Variants in IFT88 observed in about 807,000 individuals in gnomAD.
The protein encoded by IFT88 is intraflagellar transport 88.
IFT88 carries 74 observed loss-of-function variants against 119.5 expected under a neutral mutation model. The ratio of observed to expected loss-of-function variants is 0.62; its 90% CI spans 0.51 to 0.75. The LOEUF is 0.75. Ranked by LOEUF, IFT88 falls within the 30% of genes least tolerant of loss-of-function variation. The probability of loss-of-function intolerance (pLI) is 0.00; values close to 1 mark genes in which losing one functional copy is unlikely to be tolerated. For synonymous variants in IFT88, 279 were observed against 316.7 expected (o/e 0.88, Z 1.26); for missense variants, 961 against 977.7 (o/e 0.98, Z 0.23).
At chr13:20,675,560 A>G (rs996958684) in intron 24 of IFT88, among the ~76,000 whole-genome samples, 2 of 152,210 alleles carry the variant, frequency 1.3e-5, no homozygotes, top group African/African-American at 4.8e-5. Flanking sequence ...GTTCTGATAC[A>G]GTAATTCTCA....
intron 24 of IFT88, among the ~76,000 whole-genome samples, chr13:20,672,870 T>A (rs1202871318): frequency 1.5e-5 from 2 of 137,920 alleles, no homozygotes; most frequent in Non-Finnish European, 3.1e-5. Context: ...AATTTGGAAT[T>A]GTAGATGGAG....
At chr13:20,591,735 C>A in intron 6 of IFT88, 54 bp downstream of exon 6, 1 of 1,152,734 alleles carries the variant, frequency 8.7e-7, no homozygotes, top group South Asian at 1.3e-5. Context: ...AATCTTTTAT[C>A]ATTTTGTGAT....
At chr13:20,595,130 G>A (rs2138845239) in intron 7 of IFT88, among the ~76,000 whole-genome samples, 1 of 152,210 alleles carries the variant, frequency 6.6e-6, no homozygotes. Flanking sequence ...CAGGCATGGT[G>A]GTGCACGCCT....
At chr13:20,581,872 A>T (rs1267060782) in intron 2 of IFT88, among the ~76,000 whole-genome samples, 1 of 149,310 alleles carries the variant, frequency 6.7e-6, no homozygotes, top group Non-Finnish European at 1.5e-5. Context: ...AAAAAAAAAG[A>T]TAATTTAAAG....
At chr13:20,595,438 T>C (rs1197675213) in intron 7 of IFT88, among the ~76,000 whole-genome samples, 2 of 151,866 alleles carry the variant, frequency 1.3e-5, no homozygotes, top group African/African-American at 4.8e-5. Context: ...TATAGGTGCC[T>C]GCCCCAACAC....
rs571349447 is a variant in IFT88, at chr13:20,597,661, G to A, written c.594+542G>A. ...TGGGAGGCTGGAGCAGGAGAATGGCGTGAACCCGGGAGGCGGAGCTTGCGG... is the reference window on the plus strand; with the variant it reads ...TGGGAGGCTGGAGCAGGAGAATGGCATGAACCCGGGAGGCGGAGCTTGCGG... On this transcript the variant is annotated intron_variant, in intron 9 of 25. Coordinates refer to ENST00000351808, the MANE Select transcript of IFT88 (RefSeq NM_006531.5). Among the ~76,000 whole-genome samples, 464 of 151,658 alleles carry A rather than the reference G, an allele frequency of 3.1e-3. 2 individuals carry two copies. The highest frequency in any genetic ancestry group is 3.1e-3 in the Non-Finnish European group (211 of 67,842).
At chr13:20,578,735 G>T (rs1433518549) in intron 2 of IFT88, among the ~76,000 whole-genome samples, 1 of 152,140 alleles carries the variant, frequency 6.6e-6, no homozygotes, top group African/African-American at 2.4e-5. Flanking sequence ...TTTTAGTAGA[G>T]ATGAGGTTTT....
chr13:20,631,230 T>A, intron 16 of IFT88, 128 bp downstream of exon 16: 1 of 658,580 alleles, frequency 1.5e-6, no homozygotes, highest in Non-Finnish European at 2.7e-6. Context: ...CTGAGGAGTA[T>A]AGAGGATCTG....
intron 24 of IFT88, among the ~76,000 whole-genome samples, chr13:20,689,738 G>A (rs2058300782): frequency 6.6e-6 from 1 of 151,928 alleles, no homozygotes; most frequent in African/African-American, 2.4e-5. Context: ...GAGACAGGTA[G>A]GATATACATT....
chr13:20,682,428 G>A (rs2057427842), intron 24 of IFT88, among the ~76,000 whole-genome samples: 1 of 152,200 alleles, frequency 6.6e-6, no homozygotes. Context: ...CTCCTCTAAG[G>A]ATAGAAAATA....
intron 2 of IFT88, among the ~76,000 whole-genome samples, chr13:20,580,309 G>A (rs1434261190): frequency 3.9e-5 from 6 of 152,236 alleles, no homozygotes; most frequent in Non-Finnish European, 7.4e-5. Flanking sequence ...TCTGAGGTCC[G>A]GAGTTCAAGA....
chr13:20,655,795 A>C (rs1489178973), intron 21 of IFT88, among the ~76,000 whole-genome samples: 2 of 152,160 alleles, frequency 1.3e-5, no homozygotes, highest in Non-Finnish European at 2.9e-5. Flanking sequence ...CGCCCAGCCC[A>C]AAAAAACTAT....
chr13:20,670,523 C>CTTTT (rs56143632), intron 23 of IFT88, among the ~76,000 whole-genome samples: 5 of 94,978 alleles, frequency 5.3e-5, no homozygotes, highest in Non-Finnish European at 8.3e-5. Flanking sequence ...CTCAGCTTAC[C>CTTTT]TTTTTTTTTT....
At chr13:20,683,528 C>A (rs116688810) in intron 24 of IFT88, among the ~76,000 whole-genome samples, 1,857 of 152,230 alleles carry the variant, frequency 0.012, 36 homozygotes, top group African/African-American at 0.043. Context: ...TCGAGTCCTT[C>A]ACAATGCAAA....
At chr13:20,675,136 G>A (rs1268794453) in intron 24 of IFT88, among the ~76,000 whole-genome samples, 1 of 152,088 alleles carries the variant, frequency 6.6e-6, no homozygotes. Flanking sequence ...GCCCACAAGG[G>A]AGGACGAGAC....
rs192899436 is a variant in IFT88 at position 20,613,801 on chromosome 13, A to G, written c.1113-1992A>G. Reference sequence around the variant, plus strand: ...TTAGGTTGGTGCAAAAGTAATTGCGATTTTTCCCATTGAATGCAATTGCTT... The same window carrying G: ...TTAGGTTGGTGCAAAAGTAATTGCGGTTTTTCCCATTGAATGCAATTGCTT... On this transcript the variant is annotated intron_variant, in intron 13 of 25. Transcript: ENST00000351808. 2.5e-4 allele frequency among the ~76,000 whole-genome samples: 38 copies of G among 152,006 alleles called. 1 individual carries two copies. Among genetic ancestry groups the G allele is most frequent in the Non-Finnish European group, 5.9e-5 (4 of 67,942 alleles).
intron 24 of IFT88, among the ~76,000 whole-genome samples, chr13:20,684,713 C>T (rs1398533808): frequency 1.3e-5 from 2 of 152,188 alleles, no homozygotes; most frequent in African/African-American, 2.4e-5. Flanking sequence ...GAGGAGATGC[C>T]GAAGCAGACT....
intron 1 of IFT88, among the ~76,000 whole-genome samples, chr13:20,568,171 C>T (rs1293428662): frequency 1.3e-5 from 2 of 151,638 alleles, no homozygotes; most frequent in African/African-American, 4.8e-5. Context: ...AAAAACATAC[C>T]TTTCACTTAA....
rs2042642236 is a variant in IFT88 at position 20,601,863 on chromosome 13, TGAA to T, written c.976_978del (p.Lys326del). ...TTTGCTATTGGAGACCGAGAAAAAA[TGAA>T]GAAGGCATTCCAAAAATTGATTACT... On this transcript the variant is annotated inframe_deletion, in exon 12 of 26. Transcript: ENST00000351808. 6.2e-7 allele frequency: 1 copy of T among 1,612,870 alleles called. No homozygotes were observed. The highest frequency in any genetic ancestry group is 8.5e-7 in the Non-Finnish European group (1 of 1,178,974).
Sources: allele counts gnomAD v4.1 joint callset (sites outside exome capture counted in the v4.1 genomes callset), GRCh38; gene constraint gnomAD v4.1.1; transcripts MANE v1.5; gene names NCBI Gene and HGNC (gene_info 2026-07-23, HGNC 2026-07-21).